Variants in PAPOLA observed in about 807,000 individuals in gnomAD.
The protein encoded by PAPOLA is polynucleotide adenylyltransferase alpha.
PAPOLA carries 15 observed loss-of-function variants against 100.6 expected under a neutral mutation model. The ratio of observed to expected loss-of-function variants is 0.15; its 90% CI spans 0.10 to 0.23. PAPOLA has a LOEUF of 0.23. PAPOLA is among the 10% of genes least tolerant of loss of function. PAPOLA has a pLI of 1.00. For synonymous variants in PAPOLA, 293 were observed against 300.0 expected, an observed-to-expected ratio of 0.98 and a Z score of 0.24; for missense variants, 533 against 884.2, an observed-to-expected ratio of 0.60 and a Z score of 5.04.
chr14:96,525,406 A>G lies in PAPOLA; in HGVS notation c.331+15A>G. 1.8e-6 allele frequency: 2 copies of G among 1,119,824 alleles called. No individual in the cohort carries two copies. Among genetic ancestry groups the G allele is most frequent in the Non-Finnish European group, 2.6e-6 (2 of 765,034 alleles). 69.4% of individuals were successfully genotyped at this position (1,119,824 alleles called of 1,614,324 possible). A position where few individuals can be genotyped will look rare whatever the true frequency, so the allele number is the denominator to read the frequency against. Reference sequence around the variant, plus strand: ...GCATACAAAAGGTAAGTATTATTTCATTTTTCTTAGAAAGGGACCCTTTAG... The same window carrying G: ...GCATACAAAAGGTAAGTATTATTTCGTTTTTCTTAGAAAGGGACCCTTTAG... On this transcript the variant is annotated intron_variant, in intron 4 of 21. Coordinates refer to ENST00000216277, the MANE Select transcript of PAPOLA (RefSeq NM_032632.5).
chr14:96,535,026 A>AG, intron 10 of PAPOLA: 1 of 979,384 alleles, frequency 1.0e-6, no homozygotes, highest in Non-Finnish European at 1.2e-6. Flanking sequence ...TTGTAAAAAA[A>AG]ATTGGTTTAG....
chr14:96,509,529 T>C (rs1338129580), intron 1 of PAPOLA, among the ~76,000 whole-genome samples: 1 of 152,224 alleles, frequency 6.6e-6, no homozygotes. Context: ...GTGCATTGCT[T>C]AATGATTGGA....
chr14:96,532,189 T>G, intron 7 of PAPOLA, 142 bp from the exon 8 acceptor site: 1 of 1,402,140 alleles, frequency 7.1e-7, no homozygotes, highest in Non-Finnish European at 9.2e-7. Context: ...AAATAAAAAT[T>G]TATGTTTACT....
At chr14:96,544,976 G>C (rs1395715316) in intron 15 of PAPOLA, among the ~76,000 whole-genome samples, 3 of 152,174 alleles carry the variant, frequency 2.0e-5, no homozygotes, top group Admixed American at 2.0e-4. Context: ...TTGAGAGAAT[G>C]AGTCTATATG....
In PAPOLA at chr14:96,502,740, T is replaced by C. The variant is rs1380421225; in HGVS notation, c.8+140T>C. The C allele has an allele frequency of 5.9e-6, 5 of 842,458 alleles. No individual in the cohort carries two copies. In the African/African-American group the frequency reaches 9.1e-5, roughly 15 times the overall value. 52.2% of individuals were successfully genotyped at this position (842,458 alleles called of 1,614,324 possible). On this transcript the variant is annotated intron_variant, in intron 1 of 21. Transcript: ENST00000216277. Reference sequence around the variant, plus strand: ...TAGGAGGCAGGCAGGACTGGGGACCTTCCTGTTTCCTCGCTCGCTCGCCGC... The same window carrying C: ...TAGGAGGCAGGCAGGACTGGGGACCCTCCTGTTTCCTCGCTCGCTCGCCGC...
At chr14:96,548,021 A>G in intron 16 of PAPOLA, 103 bp downstream of exon 16, 2 of 973,286 alleles carry the variant, frequency 2.1e-6, no homozygotes, top group South Asian at 3.3e-5. Context: ...GTCATTTTAA[A>G]TAGATGACAG....
chr14:96,559,596 T>TATATATATATAA (rs1426338442), intron 19 of PAPOLA, among the ~76,000 whole-genome samples: 1 of 145,536 alleles, frequency 6.9e-6, no homozygotes, highest in South Asian at 2.2e-4. Context: ...TATATATATA[T>TATATATATATAA]ACACACACAC....
intron 12 of PAPOLA, 138 bp from the exon 13 acceptor site, chr14:96,542,105 T>C: frequency 2.0e-6 from 1 of 496,740 alleles, no homozygotes; most frequent in Non-Finnish European, 3.7e-6. Flanking sequence ...TATGATTTTA[T>C]GTGCATATTG....
At chr14:96,552,403 G>A in intron 16 of PAPOLA, 77 bp from the exon 17 acceptor site, 1 of 1,308,970 alleles carries the variant, frequency 7.6e-7, no homozygotes. Context: ...AATCATATAT[G>A]TTAAGTAAAA....
intron 16 of PAPOLA, 85 bp downstream of exon 16, chr14:96,548,003 G>A: frequency 8.6e-7 from 1 of 1,165,948 alleles, no homozygotes; most frequent in Non-Finnish European, 1.2e-6. Flanking sequence ...TTTAGGCTCA[G>A]TTAATAAGTC....
At chr14:96,519,515 C>T (rs151091543) in intron 1 of PAPOLA, among the ~76,000 whole-genome samples, 87 of 152,218 alleles carry the variant, frequency 5.7e-4, no homozygotes, top group African/African-American at 1.9e-3. Flanking sequence ...GCATCATTAT[C>T]GAAGTGTAAA....
intron 6 of PAPOLA, among the ~76,000 whole-genome samples, chr14:96,530,293 A>G (rs533421250): frequency 6.6e-6 from 1 of 152,296 alleles, no homozygotes; most frequent in East Asian, 1.9e-4. Flanking sequence ...AACAAACTTA[A>G]TACATCAAAC....
intron 17 of PAPOLA, 68 bp from the exon 18 acceptor site, chr14:96,555,779 T>C (rs1255057933): frequency 7.7e-6 from 6 of 777,318 alleles, no homozygotes; most frequent in South Asian, 3.9e-5. Flanking sequence ...TGTTATAGAT[T>C]ATTGTAATTT....
intron 16 of PAPOLA, among the ~76,000 whole-genome samples, chr14:96,552,238 C>T (rs1024628208): frequency 6.6e-5 from 10 of 152,064 alleles, no homozygotes; most frequent in African/African-American, 1.2e-4. Context: ...ACATTTAATA[C>T]GGCATTTCTT....
chr14:96,517,911 G>C (rs1410268799), intron 1 of PAPOLA, among the ~76,000 whole-genome samples: 1 of 151,958 alleles, frequency 6.6e-6, no homozygotes, highest in Non-Finnish European at 1.5e-5. Context: ...TTCTTGGCTG[G>C]GCTGGTCTTT....
intron 1 of PAPOLA, among the ~76,000 whole-genome samples, chr14:96,511,097 G>A (rs1044150409): frequency 1.3e-5 from 2 of 152,184 alleles, no homozygotes; most frequent in African/African-American, 4.8e-5. Context: ...TATTTAGCAA[G>A]TTTGGCTTTC....
intron 9 of PAPOLA, 23 bp from the exon 10 acceptor site, chr14:96,534,468 A>G (rs750474003): frequency 1.2e-6 from 2 of 1,611,586 alleles, no homozygotes; most frequent in South Asian, 2.2e-5. Flanking sequence ...AGTCTTATCA[A>G]GTGCTACAAT....
At chr14:96,503,880 G>T (rs149606976) in intron 1 of PAPOLA, among the ~76,000 whole-genome samples, 1 of 152,150 alleles carries the variant, frequency 6.6e-6, no homozygotes, top group African/African-American at 2.4e-5. Context: ...GACTTCTATC[G>T]CAATTTATGT....
At chr14:96,535,323 C>G in intron 10 of PAPOLA, 2 of 984,846 alleles carry the variant, frequency 2.0e-6, no homozygotes, top group Non-Finnish European at 2.4e-6. Flanking sequence ...TGTGAATTTA[C>G]AACTTACTTT....
Sources: allele counts gnomAD v4.1 joint callset (sites outside exome capture counted in the v4.1 genomes callset), GRCh38; gene constraint gnomAD v4.1.1; transcripts MANE v1.5; gene names NCBI Gene and HGNC (gene_info 2026-07-23, HGNC 2026-07-21).